UBASH3B: variants seen among roughly 807,000 people sequenced by gnomAD.
The protein encoded by UBASH3B is ubiquitin associated and SH3 domain containing B.
In UBASH3B, 37 loss-of-function variants were observed where a neutral mutation model predicts 83.4. The ratio of observed to expected loss-of-function variants is 0.44; its 90% CI spans 0.34 to 0.58. The LOEUF (loss-of-function observed/expected upper bound fraction) is 0.58, where lower values mean the gene tolerates loss of function less well. Among genes scored for constraint, UBASH3B ranks in the 20% least tolerant of loss-of-function variants. The pLI, the probability that UBASH3B is intolerant of heterozygous loss-of-function variation, is 0.01. For synonymous variants in UBASH3B, 304 were observed against 318.3 expected (o/e 0.96, Z 0.48); for missense variants, 657 against 827.2 (o/e 0.79, Z 2.52).
intron 1 of UBASH3B, among the ~76,000 whole-genome samples, chr11:122,698,671 A>G (rs1231921058): frequency 6.6e-6 from 1 of 152,070 alleles, no homozygotes; most frequent in East Asian, 1.9e-4. Flanking sequence ...CAATGGTCAG[A>G]ACCTAAAGCT....
At chr11:122,718,113 C>T (rs369825156) in intron 1 of UBASH3B, among the ~76,000 whole-genome samples, 11 of 152,052 alleles carry the variant, frequency 7.2e-5, no homozygotes, top group South Asian at 2.1e-4. Flanking sequence ...GTAGTAGAGA[C>T]GGGGTTTCAC....
chr11:122,690,504 G>T (rs1159492035), intron 1 of UBASH3B, among the ~76,000 whole-genome samples: 2 of 151,808 alleles, frequency 1.3e-5, no homozygotes, highest in African/African-American at 2.4e-5. Context: ...GTTGCACTGT[G>T]TTACCCTATC....
intron 1 of UBASH3B, among the ~76,000 whole-genome samples, chr11:122,744,496 T>C (rs1181057310): frequency 5.9e-5 from 9 of 152,082 alleles, no homozygotes; most frequent in African/African-American, 2.2e-4. Flanking sequence ...GTGTGTTGCA[T>C]GAGCATGTGT....
chr11:122,803,175 G>T (rs1199628042), intron 11 of UBASH3B, among the ~76,000 whole-genome samples: 1 of 152,194 alleles, frequency 6.6e-6, no homozygotes, highest in Non-Finnish European at 1.5e-5. Context: ...TTTGGCGAGG[G>T]AGTTGGGGTA....
rs1861129207 is a variant in UBASH3B, at chr11:122,794,956, G to A, written c.1113+122G>A. On this transcript the variant is annotated intron_variant, in intron 7 of 13. Transcript: ENST00000284273. ...GCTTCCACGATCTCTTGGGAAGAAAGTACACCAAATTATAAAAGATATACA... is the reference window on the plus strand; with the variant it reads ...GCTTCCACGATCTCTTGGGAAGAAAATACACCAAATTATAAAAGATATACA... 22 of 1,391,764 alleles carry A rather than the reference G, an allele frequency of 1.6e-5. No homozygotes were observed. The South Asian group carries it at 2.7e-4, about 17-fold the overall frequency. 86.2% of individuals were successfully genotyped at this position (1,391,764 alleles called of 1,614,324 possible). A position where few individuals can be genotyped will look rare whatever the true frequency, so the allele number is the denominator to read the frequency against.
At chr11:122,676,002 G>A (rs1033516544) in intron 1 of UBASH3B, among the ~76,000 whole-genome samples, 3 of 152,186 alleles carry the variant, frequency 2.0e-5, no homozygotes, top group Admixed American at 2.0e-4. Context: ...ATACATTAAA[G>A]GATTTATCCC....
intron 6 of UBASH3B, among the ~76,000 whole-genome samples, chr11:122,793,855 A>G (rs1347038114): frequency 6.6e-6 from 1 of 151,954 alleles, no homozygotes; most frequent in Non-Finnish European, 1.5e-5. Context: ...ATTGAGGGGG[A>G]GATAGGGTTT....
chr11:122,661,655 C>A (rs747650122), intron 1 of UBASH3B, among the ~76,000 whole-genome samples: 1 of 152,168 alleles, frequency 6.6e-6, no homozygotes, highest in Non-Finnish European at 1.5e-5. Flanking sequence ...AAAAATTGCT[C>A]TTATGTGTAT....
At chr11:122,761,102 C>T (rs541976917) in intron 1 of UBASH3B, among the ~76,000 whole-genome samples, 5 of 152,236 alleles carry the variant, frequency 3.3e-5, no homozygotes, top group African/African-American at 9.6e-5. Flanking sequence ...CAAATCTTCA[C>T]GAGAGTGTCA....
At chr11:122,710,357 G>A (rs940279359) in intron 1 of UBASH3B, among the ~76,000 whole-genome samples, 6 of 152,042 alleles carry the variant, frequency 3.9e-5, no homozygotes, top group African/African-American at 1.2e-4. Flanking sequence ...GAGATGGTGG[G>A]GCCACCATTG....
At chr11:122,691,726 A>C (rs1035600035) in intron 1 of UBASH3B, among the ~76,000 whole-genome samples, 6 of 152,354 alleles carry the variant, frequency 3.9e-5, no homozygotes, top group Admixed American at 2.0e-4. Context: ...TTCTGGAATC[A>C]ATGAAAAGGC....
chr11:122,734,445 G>A (rs1306100141), intron 1 of UBASH3B, among the ~76,000 whole-genome samples: 1 of 152,098 alleles, frequency 6.6e-6, no homozygotes, highest in Non-Finnish European at 1.5e-5. Flanking sequence ...TGCTTGAATG[G>A]TGTTCATAGA....
chr11:122,765,526 C>T (rs760210947), intron 1 of UBASH3B, among the ~76,000 whole-genome samples: 1 of 152,206 alleles, frequency 6.6e-6, no homozygotes, highest in Non-Finnish European at 1.5e-5. Context: ...TGGCTGCTTG[C>T]TCACACCCCT....
chr11:122,780,329 ATTAGCTTAAGGGGG>A (rs1860827849), intron 4 of UBASH3B, among the ~76,000 whole-genome samples: 1 of 152,184 alleles, frequency 6.6e-6, no homozygotes, highest in Non-Finnish European at 1.5e-5. Flanking sequence ...TGTCAAAGGA[ATTAGCTTAAGGGGG>A]TGCTCAAGGC....
chr11:122,658,051 C>T (rs1863387097), intron 1 of UBASH3B, among the ~76,000 whole-genome samples: 2 of 151,816 alleles, frequency 1.3e-5, no homozygotes, highest in Non-Finnish European at 2.9e-5. Flanking sequence ...TGGTGCATGC[C>T]TGTAATCCCA....
chr11:122,787,649 G>A (rs930720795), intron 5 of UBASH3B, among the ~76,000 whole-genome samples: 1 of 152,222 alleles, frequency 6.6e-6, no homozygotes, highest in Non-Finnish European at 1.5e-5. Flanking sequence ...TCGGCTGGAA[G>A]GAAGGATGTG....
chr11:122,680,559 G>C (rs57666204), intron 1 of UBASH3B, among the ~76,000 whole-genome samples: 2 of 152,198 alleles, frequency 1.3e-5, no homozygotes, highest in African/African-American at 4.8e-5. Flanking sequence ...TGACACCTGG[G>C]TTCAAGCGAT....
intron 1 of UBASH3B, among the ~76,000 whole-genome samples, chr11:122,715,539 T>C (rs759680647): frequency 1.3e-5 from 2 of 152,330 alleles, no homozygotes; most frequent in African/African-American, 2.4e-5. Flanking sequence ...ATTTACCCAA[T>C]GTGTCACCAA....
At chr11:122,685,800 G>A (rs1047977204) in intron 1 of UBASH3B, among the ~76,000 whole-genome samples, 1 of 152,200 alleles carries the variant, frequency 6.6e-6, no homozygotes, top group East Asian at 1.9e-4. Context: ...GATTACAGGC[G>A]TGAGCTACCA....
Sources: gnomAD v4.1 joint callset for allele counts (sites outside exome capture counted in the v4.1 genomes callset) on GRCh38, gnomAD v4.1.1 for gene constraint, MANE v1.5 for transcripts, NCBI Gene and HGNC (gene_info 2026-07-23, HGNC 2026-07-21) for gene names.